Variants in CD55 observed in about 807,000 individuals in gnomAD.
CD55 encodes CD55 molecule (Cromer blood group).
In CD55, 41 loss-of-function variants were observed where a neutral mutation model predicts 45.8. The ratio of observed to expected loss-of-function variants is 0.90; its 90% CI spans 0.70 to 1.16. CD55 has a LOEUF of 1.16. Ranked by LOEUF, CD55 falls within the 50% of genes most tolerant of loss-of-function variation. The pLI, the probability that CD55 is intolerant of heterozygous loss-of-function variation, is 0.00. For synonymous variants in CD55, 181 were observed against 181.1 expected, an observed-to-expected ratio of 1.00 and a Z score of 0.01; for missense variants, 416 against 469.8, an observed-to-expected ratio of 0.89 and a Z score of 1.06.
At chr1:207,333,682 T>C (rs796699610) in intron 6 of CD55, among the ~76,000 whole-genome samples, 11 of 152,120 alleles carry the variant, frequency 7.2e-5, no homozygotes, top group African/African-American at 2.7e-4. Flanking sequence ...AAAAGAGAAC[T>C]TCAGTTGGAA....
At chr1:207,346,742 G>C (rs1484869439) in intron 9 of CD55, among the ~76,000 whole-genome samples, 1 of 152,210 alleles carries the variant, frequency 6.6e-6, no homozygotes, top group East Asian at 1.9e-4. Flanking sequence ...TGCAGTCTGG[G>C]AGGGGCTGGG....
At chr1:207,349,773 A>C (rs1655791234) in intron 9 of CD55, among the ~76,000 whole-genome samples, 1 of 152,182 alleles carries the variant, frequency 6.6e-6, no homozygotes. Flanking sequence ...TGGGCAGACT[A>C]TGGAGTATTC....
In CD55 at chr1:207,321,798, G is replaced by A. The variant is rs1654414007; in HGVS notation, c.33G>A (p.Ala11=). ...TCGCGCGGCCGAGCGTGCCCGCGGC[G>A]CTGCCCCTCCTCGGGGAGCTGCCCC... MTVARPSVPA[A]LPLLGELPRL... is the part of the protein sequence containing the mutation. The change falls in exon 1 of 10, where the codon GCG becomes GCA. Residue 11 remains alanine, a synonymous_variant. Coordinates refer to ENST00000367064, the MANE Select transcript of CD55 (RefSeq NM_000574.5). The A allele has an allele frequency of 3.9e-6, 6 of 1,525,948 alleles. No individual in the cohort carries two copies. In the South Asian group the frequency reaches 7.2e-5, roughly 18 times the overall value. 94.5% of individuals were successfully genotyped at this position (1,525,948 alleles called of 1,614,324 possible).
In CD55 at chr1:207,354,166, T is replaced by A. The variant is rs550337741; in HGVS notation, c.1082-5380T>A. On this transcript the variant is annotated intron_variant, in intron 9 of 9. Transcript: ENST00000367064. ...GATGATACCCTATATATTAATGTAG[T>A]ATCTGTCTAATGTAAATTTTGTTTG... is the stretch of plus-strand genomic sequence containing the variant. 126 of 1,421,888 alleles carry A rather than the reference T, an allele frequency of 8.9e-5. No individual in the cohort carries two copies. The African/African-American group carries it at 1.6e-3, about 18-fold the overall frequency. The allele number at this position is 1,421,888 out of a possible 1,614,324, so 88.1% of individuals were successfully genotyped here. A position where few individuals can be genotyped will look rare whatever the true frequency, so the allele number is the denominator to read the frequency against.
At chr1:207,346,589 G>A (rs1283785744) in intron 9 of CD55, among the ~76,000 whole-genome samples, 1 of 152,188 alleles carries the variant, frequency 6.6e-6, no homozygotes, top group Non-Finnish European at 1.5e-5. Context: ...TCAGCCCAAA[G>A]CAGCCAGCAG....
chr1:207,353,080 G>T (rs1655938555), intron 9 of CD55, among the ~76,000 whole-genome samples: 1 of 120,888 alleles, frequency 8.3e-6, no homozygotes, highest in Non-Finnish European at 1.7e-5. Context: ...GGGGGACAGG[G>T]TCTCACTCTG....
At chr1:207,323,409 C>T (rs994604918) in intron 2 of CD55, among the ~76,000 whole-genome samples, 14 of 151,944 alleles carry the variant, frequency 9.2e-5, no homozygotes, top group Admixed American at 7.9e-4. Context: ...ACACAGTAAC[C>T]GTGTTTGATA....
chr1:207,325,334 C>CA (rs59606883), intron 3 of CD55, among the ~76,000 whole-genome samples: 33,684 of 115,386 alleles, frequency 0.29, 4,655 homozygotes, highest in African/African-American at 0.37. Context: ...AACTCCATCT[C>CA]AAAAAAAAAA....
chr1:207,356,124 C>G (rs2102446830), intron 9 of CD55, among the ~76,000 whole-genome samples: 1 of 152,194 alleles, frequency 6.6e-6, no homozygotes, highest in African/African-American at 2.4e-5. Flanking sequence ...AACTGTGTTA[C>G]CATATCTTTT....
intron 2 of CD55, 142 bp downstream of exon 2, chr1:207,322,709 C>A (rs1369224233): frequency 1.5e-6 from 1 of 664,108 alleles, no homozygotes; most frequent in Non-Finnish European, 2.5e-6. Flanking sequence ...ACGTCACACT[C>A]CAGCTAATTG....
rs1656273363 is a variant in CD55 at position 207,360,823 on chromosome 1, T to G, written c.*1213T>G. The G allele has an allele frequency of 6.6e-6, 1 of 152,224 alleles. No individual in the cohort carries two copies. Among genetic ancestry groups the G allele is most frequent in the Admixed American group, 6.5e-5 (1 of 15,278 alleles). The allele number at this position is 152,224 out of a possible 1,614,324, so 9.4% of individuals were successfully genotyped here. On this transcript the variant is annotated 3_prime_UTR_variant, in exon 10 of 10. Transcript: ENST00000367064. ...ATGTACTAGTTGTATAGAATATAACTAGATTTATTATGGCAATGTTTATTT... is the reference window on the plus strand; with the variant it reads ...ATGTACTAGTTGTATAGAATATAACGAGATTTATTATGGCAATGTTTATTT...
intron 3 of CD55, 61 bp from the exon 4 acceptor site, chr1:207,325,561 C>T (rs1654641400): frequency 1.0e-6 from 1 of 996,364 alleles, no homozygotes; most frequent in Admixed American, 1.9e-5. Flanking sequence ...CACATAGTTA[C>T]CTTCTTTGTG....
intron 9 of CD55, among the ~76,000 whole-genome samples, chr1:207,351,273 A>G (rs889426670): frequency 6.6e-6 from 1 of 152,188 alleles, no homozygotes; most frequent in African/African-American, 2.4e-5. Context: ...CATGTGGTCA[A>G]TCTTAGAGTA....
intron 2 of CD55, among the ~76,000 whole-genome samples, chr1:207,324,191 G>A (rs1654561290): frequency 6.6e-6 from 1 of 152,104 alleles, no homozygotes; most frequent in Admixed American, 6.5e-5. Context: ...TTAGTCCAGG[G>A]GTCTGGAAAT....
At chr1:207,331,936 G>A (rs1654965649) in intron 6 of CD55, among the ~76,000 whole-genome samples, 1 of 152,108 alleles carries the variant, frequency 6.6e-6, no homozygotes. Flanking sequence ...TGGCGTTTAA[G>A]TAGTGGTGAA....
chr1:207,336,938 A>G (rs1655202805), intron 7 of CD55, 120 bp downstream of exon 7: 2 of 1,111,396 alleles, frequency 1.8e-6, no homozygotes, highest in South Asian at 1.4e-5. Context: ...AGTCACACCA[A>G]CACCTTAGAA....
chr1:207,339,307 G>A, intron 8 of CD55, 90 bp from the exon 9 acceptor site: 1 of 853,572 alleles, frequency 1.2e-6, no homozygotes. Context: ...GTTTTCTAGT[G>A]TAGTTTATTG....
chr1:207,343,232 T>G lies in CD55; in HGVS notation c.1081+3815T>G, dbSNP rs531898949. The stretch of plus-strand genomic sequence containing the variant: ...CCTTCTGCTAATTTTGGGGTTGGTT[T>G]GTTCTTCCTTCTCTAGTTCCTTAAG... On this transcript the variant is annotated intron_variant, in intron 9 of 9. Transcript: ENST00000367064. Among the ~76,000 whole-genome samples the G allele has an allele frequency of 5.3e-5, 8 of 152,270 alleles. No individual in the cohort carries two copies. In the South Asian group the frequency reaches 1.2e-3, roughly 24 times the overall value.
At chr1:207,357,823 A>G (rs1656134429) in intron 9 of CD55, among the ~76,000 whole-genome samples, 2 of 152,172 alleles carry the variant, frequency 1.3e-5, no homozygotes, top group Non-Finnish European at 2.9e-5. Flanking sequence ...GCCTAACCCT[A>G]TATATGCTGT....
Sources: gnomAD v4.1 joint callset for allele counts (sites outside exome capture counted in the v4.1 genomes callset) on GRCh38, gnomAD v4.1.1 for gene constraint, MANE v1.5 for transcripts, NCBI Gene and HGNC (gene_info 2026-07-23, HGNC 2026-07-21) for gene names.